Variants in PRDM10 observed in about 807,000 individuals in gnomAD.
PRDM10 encodes PR domain zinc finger protein 10.
In PRDM10, 65 loss-of-function variants were observed where a neutral mutation model predicts 133.1. That is an observed-to-expected ratio of 0.49 (90% CI 0.40 to 0.60). The LOEUF is 0.60. Among genes scored for constraint, PRDM10 ranks in the 20% least tolerant of loss-of-function variants. The pLI is 0.00. For synonymous variants in PRDM10, 582 were observed against 580.4 expected (o/e 1.00, Z -0.04); for missense variants, 1,137 against 1,507.1 (o/e 0.75, Z 4.07).
In PRDM10 at chr11:129,914,696, C is replaced by T. The variant is rs369106793; in HGVS notation, c.2841+8G>A. The T allele has an allele frequency of 3.9e-5, 63 of 1,614,212 alleles. No homozygotes were observed. Among genetic ancestry groups the T allele is most frequent in the Middle Eastern group, 3.3e-4 (2 of 6,062 alleles). ...CATAAGGCAAAGGGAAACCAAGGCACGCAGTACCGAGGCCACTTGAACCAC... is the reference window on the plus strand; with the variant it reads ...CATAAGGCAAAGGGAAACCAAGGCATGCAGTACCGAGGCCACTTGAACCAC... On this transcript the variant is annotated splice_region_variant and intron_variant, in intron 17 of 20. Transcript: ENST00000360871.
chr11:129,960,786 G>T, intron 2 of PRDM10, 110 bp downstream of exon 2: 2 of 1,095,542 alleles, frequency 1.8e-6, no homozygotes, highest in Non-Finnish European at 2.7e-6. Flanking sequence ...TCTTCATGTC[G>T]GCTCCTAACG....
intron 1 of PRDM10, among the ~76,000 whole-genome samples, chr11:130,001,592 G>A (rs1379441933): frequency 1.3e-5 from 2 of 152,212 alleles, no homozygotes; most frequent in East Asian, 1.9e-4. Context: ...CACATTGATT[G>A]AAAATGCACT....
Position 129,955,577 on chromosome 11 carries a change from C to T in PRDM10, c.235-6G>A, listed in dbSNP as rs762215344. 1 of 1,613,334 alleles carries T rather than the reference C, an allele frequency of 6.2e-7. No homozygotes were observed. The highest frequency in any genetic ancestry group is 1.7e-5 in the Admixed American group (1 of 59,874). On this transcript the variant is annotated splice_polypyrimidine_tract_variant and splice_region_variant and intron_variant, in intron 3 of 20. Transcript: ENST00000360871. ...CCGGGGTCTGTAAACAGAGTCTAAA[C>T]AAACAAACGAACAAAAAATTATCAG...
At chr11:129,943,822 C>T (rs1222178949) in intron 6 of PRDM10, among the ~76,000 whole-genome samples, 1 of 151,798 alleles carries the variant, frequency 6.6e-6, no homozygotes, top group Non-Finnish European at 1.5e-5. Flanking sequence ...GTGAAACCTC[C>T]TCTCTACTAA....
At chr11:129,920,421 C>A (rs926973224) in intron 13 of PRDM10, among the ~76,000 whole-genome samples, 2 of 152,186 alleles carry the variant, frequency 1.3e-5, no homozygotes, top group African/African-American at 4.8e-5. Flanking sequence ...CACCCTTCCC[C>A]CTTCCACCCA....
chr11:129,985,300 T>C (rs1591695623), intron 1 of PRDM10, among the ~76,000 whole-genome samples: 1 of 152,130 alleles, frequency 6.6e-6, no homozygotes, highest in Non-Finnish European at 1.5e-5. Context: ...TATATAGATA[T>C]GTGTATATAT....
At chr11:129,942,312 A>ACC (rs914777751) in intron 7 of PRDM10, 114 bp downstream of exon 7, 151 of 998,990 alleles carry the variant, frequency 1.5e-4, no homozygotes, top group Admixed American at 1.5e-4. Context: ...CCAGAAAATG[A>ACC]CCCCCCTCCC....
intron 11 of PRDM10, among the ~76,000 whole-genome samples, chr11:129,928,793 C>T (rs1421458209): frequency 2.6e-5 from 4 of 152,144 alleles, no homozygotes; most frequent in African/African-American, 7.2e-5. Flanking sequence ...CACTCTGCAC[C>T]ATCCTTCCAC....
intron 19 of PRDM10, among the ~76,000 whole-genome samples, chr11:129,908,241 G>A (rs1419844777): frequency 5.3e-5 from 8 of 152,214 alleles, no homozygotes; most frequent in Middle Eastern, 3.4e-3. Context: ...GGAGCCCAAG[G>A]CAGGAGGATC....
Position 129,925,111 on chromosome 11 carries a change from C to T in PRDM10, c.1649G>A (p.Arg550Gln), listed in dbSNP as rs201242124. Residue 550 changes from arginine to glutamine, a missense_variant, in exon 12 of 21, where the codon CGG becomes CAG. Arg to Gln is a conservative substitution (Grantham distance 43). Transcript: ENST00000360871. ...KLDQHLRFHGREGNCPLTCDL... is the reference protein window; with the variant it reads ...KLDQHLRFHGQEGNCPLTCDL... ...ACAGGTCAGTGGGCAGTTCCCCTCC[C>T]GCCCATGGAAGCGTAAGTGCTGGTC... The T allele has an allele frequency of 3.1e-4, 494 of 1,614,204 alleles. 4 individuals carry two copies. The East Asian group carries it at 1.0e-2, about 33-fold the overall frequency.
intron 13 of PRDM10, among the ~76,000 whole-genome samples, chr11:129,919,905 C>A (rs1950471614): frequency 6.6e-6 from 1 of 152,180 alleles, no homozygotes; most frequent in Non-Finnish European, 1.5e-5. Flanking sequence ...GCATACGACC[C>A]AACTCTTTCT....
At chr11:129,917,346 A>G (rs923678083) in intron 14 of PRDM10, 109 bp from the exon 15 acceptor site, 1 of 779,220 alleles carries the variant, frequency 1.3e-6, no homozygotes, top group African/African-American at 1.8e-5. Flanking sequence ...CTCTGAAGCA[A>G]TGCCCCCAAA....
intron 2 of PRDM10, among the ~76,000 whole-genome samples, chr11:129,958,812 A>G (rs1951744629): frequency 6.6e-6 from 1 of 152,202 alleles, no homozygotes; most frequent in South Asian, 2.1e-4. Flanking sequence ...AAGTACTTTT[A>G]GGGGGTTCTG....
At chr11:129,920,298 A>C (rs998939020) in intron 13 of PRDM10, among the ~76,000 whole-genome samples, 15 of 152,074 alleles carry the variant, frequency 9.9e-5, no homozygotes, top group Non-Finnish European at 1.2e-4. Context: ...AACATCCCCC[A>C]AACCAAATCC....
At chr11:129,983,416 T>A (rs1007108859) in intron 1 of PRDM10, among the ~76,000 whole-genome samples, 34 of 151,828 alleles carry the variant, frequency 2.2e-4, no homozygotes, top group African/African-American at 8.2e-4. Flanking sequence ...TGCCTCAGCC[T>A]CCCGAGTAGC....
chr11:129,931,506 TAAAC>T (rs1309858983), intron 10 of PRDM10, among the ~76,000 whole-genome samples: 1 of 152,154 alleles, frequency 6.6e-6, no homozygotes, highest in African/African-American at 2.4e-5. Flanking sequence ...TTAAACTAAT[TAAAC>T]AAAGTCCACC....
intron 1 of PRDM10, among the ~76,000 whole-genome samples, chr11:129,973,380 G>T (rs765262385): frequency 3.9e-5 from 6 of 152,222 alleles, no homozygotes; most frequent in Non-Finnish European, 8.8e-5. Flanking sequence ...AACCAATGAG[G>T]TAAGAGGCAC....
intron 1 of PRDM10, among the ~76,000 whole-genome samples, chr11:129,972,297 T>C (rs1295087402): frequency 6.6e-6 from 1 of 152,224 alleles, no homozygotes; most frequent in Non-Finnish European, 1.5e-5. Flanking sequence ...GAAGGGCTCC[T>C]CAAGTGCCGC....
chr11:129,932,774 T>C (rs1023345463), intron 9 of PRDM10, among the ~76,000 whole-genome samples: 3 of 152,154 alleles, frequency 2.0e-5, no homozygotes, highest in Non-Finnish European at 4.4e-5. Flanking sequence ...CTTTTTTTTT[T>C]TCTCTTTTTG....
Sources: allele counts gnomAD v4.1 joint callset (sites outside exome capture counted in the v4.1 genomes callset), GRCh38; gene constraint gnomAD v4.1.1; transcripts MANE v1.5; gene names NCBI Gene and HGNC (gene_info 2026-07-23, HGNC 2026-07-21).